The following DMD variants were observed in gnomAD, a reference collection of about 807,000 sequenced individuals.
The protein encoded by DMD is dystrophin, also known as mutant dystrophin.
In DMD, 63 loss-of-function variants were observed where a neutral mutation model predicts 330.1. That is an observed-to-expected ratio of 0.19 (90% CI 0.16 to 0.24). DMD has a LOEUF of 0.24. DMD is among the 10% of genes least tolerant of loss of function. DMD has a pLI of 1.00. For missense variants in DMD, 3,344 were observed against 2,684.1 expected (o/e 1.25, Z -5.43); for synonymous variants, 1,223 against 959.8 (o/e 1.27, Z -5.07).
At chrX:32,646,994 C>T (rs921793388) in intron 9 of DMD, among the ~76,000 whole-genome samples, 3 of 110,217 alleles carry the variant, frequency 2.7e-5, no homozygotes, top group Admixed American at 2.0e-4. Context: ...GTATCTCTTC[C>T]GTCTCTAAAT....
intron 47 of DMD, among the ~76,000 whole-genome samples, chrX:31,897,063 C>G (rs1336157715): frequency 9.1e-6 from 1 of 109,578 alleles, no homozygotes; most frequent in Non-Finnish European, 1.9e-5. Context: ...CCAATGCTAT[C>G]CCTCCCCCCT....
At chrX:32,931,987 A>T (rs1210264122) in intron 2 of DMD, among the ~76,000 whole-genome samples, 2 of 111,874 alleles carry the variant, frequency 1.8e-5, no homozygotes, top group Non-Finnish European at 3.8e-5. Context: ...TACTAGAACT[A>T]AAATGAGGGT....
intron 1 of DMD, among the ~76,000 whole-genome samples, chrX:33,156,553 G>C (rs773997348): frequency 4.5e-5 from 5 of 111,638 alleles, no homozygotes; most frequent in Non-Finnish European, 9.4e-5. Context: ...AGATTTATTG[G>C]GGGAGATAAA....
intron 1 of DMD, among the ~76,000 whole-genome samples, chrX:33,314,570 G>GTTTTTT (rs1170142842): frequency 1.3e-5 from 1 of 79,051 alleles, no homozygotes; most frequent in African/African-American, 4.8e-5. Flanking sequence ...TTTTTTTTTT[G>GTTTTTT]TTTTTTTTTT....
At chrX:32,949,775 C>T (rs975703830) in intron 2 of DMD, among the ~76,000 whole-genome samples, 7 of 110,866 alleles carry the variant, frequency 6.3e-5, no homozygotes, top group Admixed American at 1.9e-4. Context: ...TTGTATTAGT[C>T]GCCCAAACAG....
chrX:32,458,341 T>G (rs1183498820), intron 25 of DMD, among the ~76,000 whole-genome samples: 2 of 111,729 alleles, frequency 1.8e-5, no homozygotes, highest in Non-Finnish European at 3.8e-5. Flanking sequence ...AATTTTCTTT[T>G]TTAAAGCTAC....
At chrX:32,439,837 T>C (rs760749851) in intron 28 of DMD, among the ~76,000 whole-genome samples, 1 of 111,480 alleles carries the variant, frequency 9.0e-6, no homozygotes, top group Non-Finnish European at 1.9e-5. Flanking sequence ...GACCACAACA[T>C]AGAAATAAAA....
chrX:32,105,442 T>C (rs1386878563), intron 44 of DMD, among the ~76,000 whole-genome samples: 1 of 112,169 alleles, frequency 8.9e-6, no homozygotes, highest in Non-Finnish European at 1.9e-5. Context: ...TTAAATGATT[T>C]AAATTTTAAA....
At chrX:31,987,334 C>T (rs113228490) in intron 44 of DMD, among the ~76,000 whole-genome samples, 4,137 of 111,388 alleles carry the variant, frequency 0.037, 70 homozygotes, top group Non-Finnish European at 0.051. Context: ...TTTTGAGATA[C>T]GCAATACCTT....
intron 62 of DMD, among the ~76,000 whole-genome samples, chrX:31,304,553 T>C (rs1050085637): frequency 4.6e-5 from 5 of 109,371 alleles, no homozygotes; most frequent in Non-Finnish European, 9.5e-5. Context: ...AGCTCCTTTA[T>C]GTAAATCATA....
intron 50 of DMD, among the ~76,000 whole-genome samples, chrX:31,795,448 T>C (rs1020627007): frequency 3.6e-5 from 4 of 111,930 alleles, no homozygotes; most frequent in African/African-American, 1.3e-4. Context: ...CATTTGTTGC[T>C]GGCAGTCATC....
Position 31,859,469 on chromosome X carries a change from T to C in DMD, c.7098+15719A>G, listed in dbSNP as rs751506986. On this transcript the variant is annotated intron_variant, in intron 48 of 78. Transcript: ENST00000357033. ...TAACTTCTCCTGCATATTTATTGTATGCATGAAAATGTATCTACTTAAGAA... is the reference window on the plus strand; with the variant it reads ...TAACTTCTCCTGCATATTTATTGTACGCATGAAAATGTATCTACTTAAGAA... Among the ~76,000 whole-genome samples, 3 of 112,331 alleles carry C rather than the reference T, an allele frequency of 2.7e-5. No individual in the cohort carries two copies. In the South Asian group the frequency reaches 1.1e-3, roughly 42 times the overall value.
chrX:31,947,867 C>CCTT (rs201115792), intron 45 of DMD, among the ~76,000 whole-genome samples: 13 of 108,930 alleles, frequency 1.2e-4, no homozygotes, highest in African/African-American at 3.7e-4. Context: ...TTCTCCTTCT[C>CCTT]CTTCTTCTTC....
At chrX:32,438,050 T>TA (rs2098268164) in intron 29 of DMD, among the ~76,000 whole-genome samples, 191 bp downstream of exon 29, 1 of 112,009 alleles carries the variant, frequency 8.9e-6, no homozygotes, top group Admixed American at 9.4e-5. Context: ...AATCCTAACT[T>TA]ACAATGTTTT....
chrX:31,380,307 A>G lies in DMD; in HGVS notation c.9085-31673T>C, dbSNP rs770775298. 2.8e-3 allele frequency among the ~76,000 whole-genome samples: 310 copies of G among 110,220 alleles called. 1 individual carries two copies. Among genetic ancestry groups the G allele is most frequent in the Non-Finnish European group, 5.2e-3 (274 of 52,820 alleles). Reference sequence around the variant, plus strand: ...ATGATCTGCTTCCCTGACTATTCCTAGGCTAGAGCCACACCTCATTGCCGC... The same window carrying G: ...ATGATCTGCTTCCCTGACTATTCCTGGGCTAGAGCCACACCTCATTGCCGC... On this transcript the variant is annotated intron_variant, in intron 60 of 78. Transcript: ENST00000357033.
At chrX:31,753,523 T>A (rs948451564) in intron 51 of DMD, among the ~76,000 whole-genome samples, 2 of 111,991 alleles carry the variant, frequency 1.8e-5, no homozygotes, top group African/African-American at 6.5e-5. Flanking sequence ...GAGATTTTAA[T>A]TATATCTAGA....
chrX:33,034,383 G>A (rs2147875994), intron 1 of DMD, among the ~76,000 whole-genome samples: 1 of 111,426 alleles, frequency 9.0e-6, no homozygotes, highest in African/African-American at 3.3e-5. Context: ...CTTTGAACCT[G>A]CCTATCTGGG....
At chrX:31,643,920 C>T (rs2079930563) in intron 54 of DMD, among the ~76,000 whole-genome samples, 1 of 111,716 alleles carries the variant, frequency 9.0e-6, no homozygotes, top group Non-Finnish European at 1.9e-5. Flanking sequence ...AGAGTGAGTG[C>T]TTAATTTTTA....
intron 62 of DMD, among the ~76,000 whole-genome samples, chrX:31,300,245 T>C (rs1351545070): frequency 8.9e-6 from 1 of 112,362 alleles, no homozygotes; most frequent in Non-Finnish European, 1.9e-5. Flanking sequence ...TTGCTGGATA[T>C]GGAAGGTGCA....
Sources: gnomAD v4.1 joint callset for allele counts (sites outside exome capture counted in the v4.1 genomes callset) on GRCh38, gnomAD v4.1.1 for gene constraint, MANE v1.5 for transcripts, NCBI Gene and HGNC (gene_info 2026-07-23, HGNC 2026-07-21) for gene names.